Variants in GADL1 observed in about 807,000 individuals in gnomAD.
GADL1 encodes GAD like acidic amino acid decarboxylase 1.
In GADL1, 71 loss-of-function variants were observed where a neutral mutation model predicts 69.5. The ratio of observed to expected loss-of-function variants is 1.02; its 90% CI spans 0.84 to 1.25. GADL1 has a LOEUF of 1.25. Ranked by LOEUF, GADL1 falls within the 50% of genes most tolerant of loss-of-function variation. The pLI, the probability that GADL1 is intolerant of heterozygous loss-of-function variation, is 0.00. For synonymous variants in GADL1, 254 were observed against 214.4 expected (o/e 1.18, Z -1.62); for missense variants, 737 against 631.8 (o/e 1.17, Z -1.79).
chr3:30,779,106 G>A (rs1006075306), intron 13 of GADL1: 1 of 152,176 alleles, frequency 6.6e-6, no homozygotes, highest in Non-Finnish European at 1.5e-5. Context: ...TATTGTAACA[G>A]GCTTTAGCCC....
At chr3:30,773,044 T>C (rs930822392) in intron 14 of GADL1, among the ~76,000 whole-genome samples, 2 of 152,138 alleles carry the variant, frequency 1.3e-5, no homozygotes, top group Admixed American at 1.3e-4. Context: ...AGGAATGACA[T>C]ATTGGACACA....
chr3:30,827,771 C>T (rs1697707024), intron 11 of GADL1, among the ~76,000 whole-genome samples: 1 of 151,868 alleles, frequency 6.6e-6, no homozygotes, highest in Non-Finnish European at 1.5e-5. Flanking sequence ...AATGAATTCT[C>T]TCTGTTTGAT....
chr3:30,728,512 C>T, intron 14 of GADL1, 97 bp from the exon 15 acceptor site: 1 of 913,170 alleles, frequency 1.1e-6, no homozygotes, highest in South Asian at 1.5e-5. Flanking sequence ...TGGGCATCCA[C>T]TGGTTTGGAT....
chr3:30,787,792 TAATA>T (rs1404166967), intron 12 of GADL1, among the ~76,000 whole-genome samples: 1 of 152,166 alleles, frequency 6.6e-6, no homozygotes, highest in African/African-American at 2.4e-5. Context: ...TTTTTTAAAA[TAATA>T]AACATAAATG....
chr3:30,827,023 AT>A (rs1697692223), intron 11 of GADL1, among the ~76,000 whole-genome samples: 1 of 151,840 alleles, frequency 6.6e-6, no homozygotes, highest in Non-Finnish European at 1.5e-5. Flanking sequence ...TTTCCTATGT[AT>A]TTTCCAAAGC....
At chr3:30,862,297 A>G (rs1329865112) in intron 1 of GADL1, among the ~76,000 whole-genome samples, 1 of 151,994 alleles carries the variant, frequency 6.6e-6, no homozygotes, top group Admixed American at 6.6e-5. Context: ...AGATGGAGGA[A>G]CAGGAGTTAG....
chr3:30,785,395 T>TC (rs780920430), intron 13 of GADL1, among the ~76,000 whole-genome samples: 8,169 of 149,674 alleles, frequency 0.055, 381 homozygotes, highest in South Asian at 0.19. Context: ...TTTTTTTTTT[T>TC]CCCCCCGAGA....
At chr3:30,792,100 A>T (rs1464939061) in intron 12 of GADL1, among the ~76,000 whole-genome samples, 1 of 152,282 alleles carries the variant, frequency 6.6e-6, no homozygotes, top group Non-Finnish European at 1.5e-5. Flanking sequence ...TTGAAAGTAG[A>T]GGTGATTTTG....
At chr3:30,787,156 T>C (rs964679343) in intron 12 of GADL1, among the ~76,000 whole-genome samples, 6 of 152,008 alleles carry the variant, frequency 3.9e-5, no homozygotes, top group African/African-American at 1.2e-4. Context: ...CTAGGTAACC[T>C]GCACATCCTG....
intron 13 of GADL1, among the ~76,000 whole-genome samples, chr3:30,784,293 A>G (rs1696740053): frequency 6.6e-6 from 1 of 152,150 alleles, no homozygotes; most frequent in South Asian, 2.1e-4. Context: ...CAAGGTCCAT[A>G]TGCCTTATTT....
intron 11 of GADL1, among the ~76,000 whole-genome samples, chr3:30,813,278 A>G (rs1241788151): frequency 1.3e-5 from 2 of 151,970 alleles, no homozygotes; most frequent in Non-Finnish European, 2.9e-5. Context: ...TATTTGGATT[A>G]TTTGTGGCAT....
At chr3:30,753,979 C>T (rs1243953036) in intron 14 of GADL1, among the ~76,000 whole-genome samples, 1 of 152,122 alleles carries the variant, frequency 6.6e-6, no homozygotes, top group African/African-American at 2.4e-5. Context: ...GCCATGGCCA[C>T]CTACGGATTT....
chr3:30,801,081 A>G lies in GADL1; in HGVS notation c.1058T>C (p.Leu353Pro), dbSNP rs1232144034. ...ALLVKDKSDL[L>P]KKCYSAKASY... ...TGCCTTGGCAGAGTAGCATTTTTTA[A>G]GAAGATCCTTCGAAAAAGAAAAGAT... The change falls in exon 12 of 15, where the codon CTT (leucine) becomes CCT (proline). Residue 353 changes from leucine to proline, a missense_variant. Coordinates refer to ENST00000282538, the MANE Select transcript of GADL1 (RefSeq NM_207359.3). 6.2e-7 allele frequency: 1 copy of G among 1,606,342 alleles called. No homozygotes were observed. Among genetic ancestry groups the G allele is most frequent in the Non-Finnish European group, 8.5e-7 (1 of 1,175,778 alleles).
intron 6 of GADL1, among the ~76,000 whole-genome samples, chr3:30,847,584 T>C (rs1273934635): frequency 6.6e-6 from 1 of 152,222 alleles, no homozygotes; most frequent in African/African-American, 2.4e-5. Context: ...GCAAATGCTA[T>C]AACCTGACTC....
chr3:30,832,107 GAT>G lies in GADL1; in HGVS notation c.1050+1744_1050+1745del, dbSNP rs555585086. 9.9e-5 allele frequency among the ~76,000 whole-genome samples: 15 copies of G among 151,842 alleles called. No individual in the cohort carries two copies. The South Asian group carries it at 3.1e-3, about 32-fold the overall frequency. ...AGAGGCAGAAACCAGGTACAAAAGAGATAGAAAACTGCCAACACAAAACTTAA... is the reference window on the plus strand; with the variant it reads ...AGAGGCAGAAACCAGGTACAAAAGAGAGAAAACTGCCAACACAAAACTTAA... On this transcript the variant is annotated intron_variant, in intron 11 of 14. Transcript: ENST00000282538.
At chr3:30,815,981 T>C (rs1024204154) in intron 11 of GADL1, among the ~76,000 whole-genome samples, 2 of 152,144 alleles carry the variant, frequency 1.3e-5, no homozygotes, top group African/African-American at 2.4e-5. Context: ...TCCTCGTCTG[T>C]ACAGTGGGAA....
chr3:30,819,702 A>C (rs1272440718), intron 11 of GADL1, among the ~76,000 whole-genome samples: 1 of 152,158 alleles, frequency 6.6e-6, no homozygotes, highest in Admixed American at 6.6e-5. Flanking sequence ...AAATGCAAAA[A>C]GTGATTCCTC....
At chr3:30,853,829 C>T (rs938479231) in intron 4 of GADL1, among the ~76,000 whole-genome samples, 1 of 152,102 alleles carries the variant, frequency 6.6e-6, no homozygotes, top group Non-Finnish European at 1.5e-5. Context: ...CTCTCTCACC[C>T]GACTAAAGTA....
chr3:30,852,502 T>C (rs1438096125), intron 4 of GADL1, among the ~76,000 whole-genome samples: 2 of 152,060 alleles, frequency 1.3e-5, no homozygotes, highest in East Asian at 3.9e-4. Context: ...CAGAGCAAGA[T>C]TTCATCTCCA....
Sources: gnomAD v4.1 joint callset for allele counts (sites outside exome capture counted in the v4.1 genomes callset) on GRCh38, gnomAD v4.1.1 for gene constraint, MANE v1.5 for transcripts, NCBI Gene and HGNC (gene_info 2026-07-23, HGNC 2026-07-21) for gene names.